ZRANB3: variants seen among roughly 807,000 people sequenced by gnomAD.
ZRANB3 encodes zinc finger RANBP2-type containing 3.
In ZRANB3, 125 loss-of-function variants were observed where a neutral mutation model predicts 133.8. The observed-to-expected ratio is 0.93, with a 90% confidence interval of 0.81 to 1.08. ZRANB3 has a LOEUF of 1.08. Among genes scored for constraint, ZRANB3 ranks in the 50% least tolerant of loss-of-function variants. ZRANB3 has a pLI of 0.00. For missense variants in ZRANB3, 1,229 were observed against 1,275.5 expected (o/e 0.96, Z 0.56); for synonymous variants, 387 against 432.7 (o/e 0.89, Z 1.31).
At chr2:135,231,844 G>T (rs756260974) in intron 12 of ZRANB3, among the ~76,000 whole-genome samples, 1 of 152,134 alleles carries the variant, frequency 6.6e-6, no homozygotes, top group Non-Finnish European at 1.5e-5. Context: ...AATAGGAACA[G>T]CTCCAGTCTA....
At chr2:135,393,920 C>T (rs1459855348) in intron 2 of ZRANB3, among the ~76,000 whole-genome samples, 4 of 152,092 alleles carry the variant, frequency 2.6e-5, no homozygotes, top group Non-Finnish European at 4.4e-5. Flanking sequence ...TGCAACGGCA[C>T]GATCTCGGCT....
chr2:135,211,175 AG>A (rs1414031707), intron 17 of ZRANB3, among the ~76,000 whole-genome samples: 12 of 152,220 alleles, frequency 7.9e-5, no homozygotes, highest in Admixed American at 7.8e-4. Flanking sequence ...TTTACAATTA[AG>A]TGCATTAACA....
chr2:135,227,604 C>G lies in ZRANB3; in HGVS notation c.2158+208G>C, dbSNP rs561696095. 3.2e-4 allele frequency among the ~76,000 whole-genome samples: 48 copies of G among 152,284 alleles called. No homozygotes were observed. In the South Asian group the frequency reaches 3.7e-3, roughly 12 times the overall value. Reference sequence around the variant, plus strand: ...CATGTAGCTATTTATCGGTTTTGCTCTATGTGTAATGTCTGAATGCCAACA... The same window carrying G: ...CATGTAGCTATTTATCGGTTTTGCTGTATGTGTAATGTCTGAATGCCAACA... On this transcript the variant is annotated intron_variant, in intron 14 of 20. Coordinates refer to ENST00000264159, the MANE Select transcript of ZRANB3 (RefSeq NM_032143.4).
chr2:135,371,944 G>C (rs1686200121), intron 3 of ZRANB3, among the ~76,000 whole-genome samples: 1 of 152,032 alleles, frequency 6.6e-6, no homozygotes, highest in African/African-American at 2.4e-5. Context: ...GGGAGGCCAA[G>C]GCAGGCAGAA....
intron 2 of ZRANB3, among the ~76,000 whole-genome samples, chr2:135,482,085 A>C (rs1691844098): frequency 1.5e-5 from 2 of 133,982 alleles, no homozygotes; most frequent in African/African-American, 6.8e-5. Flanking sequence ...CTTAGGATTG[A>C]CTTGGCGATG....
At chr2:135,418,188 C>T (rs1373965999) in intron 2 of ZRANB3, among the ~76,000 whole-genome samples, 2 of 151,988 alleles carry the variant, frequency 1.3e-5, no homozygotes, top group African/African-American at 2.4e-5. Context: ...ATTTACATAG[C>T]ATTTACATTG....
chr2:135,421,819 T>C (rs956005055), intron 2 of ZRANB3, among the ~76,000 whole-genome samples: 1 of 152,062 alleles, frequency 6.6e-6, no homozygotes, highest in African/African-American at 2.4e-5. Context: ...CCATTTACTC[T>C]GTGGTTAATG....
In ZRANB3 at chr2:135,343,771, G is replaced by A. The variant is rs1021757445; in HGVS notation, c.677+1779C>T. On this transcript the variant is annotated intron_variant, in intron 6 of 20. Coordinates refer to ENST00000264159, the MANE Select transcript of ZRANB3 (RefSeq NM_032143.4). ...GAAAAAAAGTACAAATTACTCATAT[G>A]TGTGAAAAAATAATGCTCAAATGCA... is the stretch of plus-strand genomic sequence containing the variant. 3.3e-5 allele frequency among the ~76,000 whole-genome samples: 5 copies of A among 150,104 alleles called. 1 individual carries two copies. Among genetic ancestry groups the A allele is most frequent in the African/African-American group, 1.3e-4 (5 of 39,472 alleles).
At chr2:135,523,860 G>A (rs1490649392) in intron 1 of ZRANB3, among the ~76,000 whole-genome samples, 3 of 152,212 alleles carry the variant, frequency 2.0e-5, no homozygotes, top group Admixed American at 1.3e-4. Flanking sequence ...AACAGATTTA[G>A]GGGTGAAGAT....
At chr2:135,372,915 T>C (rs1175093403) in intron 3 of ZRANB3, among the ~76,000 whole-genome samples, 2 of 150,414 alleles carry the variant, frequency 1.3e-5, no homozygotes, top group East Asian at 3.9e-4. Context: ...ACCCTGTCTC[T>C]AAAAAAAAAT....
chr2:135,227,683 T>C (rs1573710334), intron 14 of ZRANB3, 129 bp downstream of exon 14: 1 of 875,026 alleles, frequency 1.1e-6, no homozygotes, highest in East Asian at 2.7e-5. Flanking sequence ...TTACAAATGG[T>C]TGGTATTTTT....
intron 12 of ZRANB3, among the ~76,000 whole-genome samples, chr2:135,247,867 G>A (rs573723574): frequency 5.3e-5 from 8 of 152,260 alleles, no homozygotes; most frequent in African/African-American, 1.9e-4. Context: ...TGTGGAGGGT[G>A]GAAGGGATCC....
chr2:135,262,367 AT>A (rs1180702461), intron 12 of ZRANB3, among the ~76,000 whole-genome samples: 22 of 152,128 alleles, frequency 1.4e-4, no homozygotes, highest in Admixed American at 1.4e-3. Flanking sequence ...TTCACATTAA[AT>A]TTTTAATTTT....
rs182594417 is a variant in ZRANB3, at chr2:135,310,051, C to G, written c.966+3438G>C. Reference sequence around the variant, plus strand: ...TCCTGGGTTCAAGTGATTCTCCTGTCTCAGCCTCCCGAGTAGCTGGGATTA... The same window carrying G: ...TCCTGGGTTCAAGTGATTCTCCTGTGTCAGCCTCCCGAGTAGCTGGGATTA... On this transcript the variant is annotated intron_variant, in intron 8 of 20. Transcript: ENST00000264159. Among the ~76,000 whole-genome samples the G allele has an allele frequency of 8.5e-5, 13 of 152,274 alleles. No homozygotes were observed. The East Asian group carries it at 2.3e-3, about 27-fold the overall frequency.
At chr2:135,530,902 G>A (rs1432952990) in intron 1 of ZRANB3, among the ~76,000 whole-genome samples, 1 of 152,180 alleles carries the variant, frequency 6.6e-6, no homozygotes, top group Non-Finnish European at 1.5e-5. Flanking sequence ...GGAAAAGCAT[G>A]TTGGGAATCG....
chr2:135,239,725 A>T (rs1695467281), intron 12 of ZRANB3, among the ~76,000 whole-genome samples: 1 of 151,182 alleles, frequency 6.6e-6, no homozygotes, highest in South Asian at 2.1e-4. Context: ...ATGGTGGCTC[A>T]TGCTTGTAAT....
At chr2:135,382,812 G>A (rs1016856372) in intron 3 of ZRANB3, among the ~76,000 whole-genome samples, 1 of 152,102 alleles carries the variant, frequency 6.6e-6, no homozygotes, top group South Asian at 2.1e-4. Flanking sequence ...TCACCACCAG[G>A]TCTGCCCTAA....
At chr2:135,500,522 T>C (rs1406562343) in intron 2 of ZRANB3, among the ~76,000 whole-genome samples, 2 of 151,962 alleles carry the variant, frequency 1.3e-5, no homozygotes, top group Admixed American at 6.6e-5. Context: ...CAAAAGAATA[T>C]ACAATTACAA....
intron 20 of ZRANB3, 69 bp from the exon 21 acceptor site, chr2:135,200,509 C>G (rs1693576677): frequency 7.7e-7 from 1 of 1,302,300 alleles, no homozygotes; most frequent in Non-Finnish European, 1.1e-6. Flanking sequence ...CTCAAAAACT[C>G]TTTATATTGT....
Sources: allele counts gnomAD v4.1 joint callset (sites outside exome capture counted in the v4.1 genomes callset), GRCh38; gene constraint gnomAD v4.1.1; transcripts MANE v1.5; gene names NCBI Gene and HGNC (gene_info 2026-07-23, HGNC 2026-07-21).